Variants in UBE2D3 observed in about 807,000 individuals in gnomAD.
The protein encoded by UBE2D3 is ubiquitin-conjugating enzyme E2 D3.
Under a neutral mutation model 22.8 loss-of-function variants are expected in UBE2D3, and 2 were observed. That is an observed-to-expected ratio of 0.09 (90% CI 0.04 to 0.28). UBE2D3 has a LOEUF of 0.28. Ranked by LOEUF, UBE2D3 falls within the 10% of genes least tolerant of loss-of-function variation. The pLI is 1.00. For missense variants in UBE2D3, 27 were observed against 182.5 expected, an observed-to-expected ratio of 0.15 and a Z score of 4.91; for synonymous variants, 56 against 60.4, an observed-to-expected ratio of 0.93 and a Z score of 0.34.
At chr4:102,827,696 A>C, upstream of UBE2D3, 1 of 982,074 alleles carries the variant, frequency 1.0e-6, no homozygotes, top group South Asian at 4.7e-5. Flanking sequence ...GGCCGAGTGA[A>C]TACGTGTCAA....
chr4:102,840,376 C>G (rs1276693423), intron 1 of UBE2D3, among the ~76,000 whole-genome samples: 1 of 152,210 alleles, frequency 6.6e-6, no homozygotes, highest in African/African-American at 2.4e-5. Flanking sequence ...ACAATGAATA[C>G]TATTGGCCAC....
chr4:102,797,150 A>G lies in UBE2D3; in HGVS notation c.*265T>C, dbSNP rs1411193398. On this transcript the variant is annotated 3_prime_UTR_variant, in exon 8 of 8. Coordinates refer to ENST00000453744, the MANE Select transcript of UBE2D3 (RefSeq NM_181891.3). ...ATTGGCCACATAATACACATGCTCC[A>G]TTTTTTTTTTTAAAAATTCTGAGTC... The G allele has an allele frequency of 3.2e-6, 1 of 312,376 alleles. No homozygotes were observed. The highest frequency in any genetic ancestry group is 5.9e-6 in the Non-Finnish European group (1 of 169,076). The allele number at this position is 312,376 out of a possible 1,614,324, so 19.4% of individuals were successfully genotyped here.
chr4:102,849,456 C>CACAATGTA lies in UBE2D3; in HGVS notation c.-129+19251_-129+19258dup, dbSNP rs1399728910. ...AAGGCACCATTACAAAAAGACTAAC[C>CACAATGTA]ACAATGTAAGAAAAGATACTGGCCA... On this transcript the variant is annotated intron_variant, in intron 1 of 7. Coordinates refer to the UBE2D3 transcript ENST00000338145. Among the ~76,000 whole-genome samples the CACAATGTA allele has an allele frequency of 2.0e-5, 3 of 151,202 alleles. 1 individual carries two copies. The South Asian group carries it at 6.3e-4, about 32-fold the overall frequency.
At chr4:102,827,115 G>C in intron 1 of UBE2D3, 3 of 986,610 alleles carry the variant, frequency 3.0e-6, no homozygotes, top group Non-Finnish European at 2.4e-6. Context: ...CTCGCAGCGA[G>C]CTATTCTGTG....
chr4:102,828,511 C>T (rs1730910382), upstream of UBE2D3, among the ~76,000 whole-genome samples: 1 of 152,150 alleles, frequency 6.6e-6, no homozygotes, highest in South Asian at 2.1e-4. Context: ...GAGTCAAGCT[C>T]AATTGAGTGG....
chr4:102,823,253 A>C (rs1360729048), intron 2 of UBE2D3, among the ~76,000 whole-genome samples: 1 of 152,196 alleles, frequency 6.6e-6, no homozygotes, highest in Non-Finnish European at 1.5e-5. Flanking sequence ...CATACTCTGG[A>C]CCAGGCTGCC....
chr4:102,823,547 T>A (rs1453138294), intron 2 of UBE2D3, among the ~76,000 whole-genome samples: 1 of 152,210 alleles, frequency 6.6e-6, no homozygotes, highest in Non-Finnish European at 1.5e-5. Flanking sequence ...GAGCTATTCT[T>A]TTAGGCTTGG....
intron 2 of UBE2D3, among the ~76,000 whole-genome samples, chr4:102,817,188 C>T (rs1167131614): frequency 6.6e-6 from 1 of 152,154 alleles, no homozygotes; most frequent in East Asian, 1.9e-4. Context: ...GTATACCAGA[C>T]AGAGTACACC....
chr4:102,846,971 G>T (rs1732069321), intron 1 of UBE2D3, among the ~76,000 whole-genome samples: 1 of 152,062 alleles, frequency 6.6e-6, no homozygotes, highest in South Asian at 2.1e-4. Context: ...AGGAGAGCAT[G>T]TATCAGCTTG....
intron 1 of UBE2D3, among the ~76,000 whole-genome samples, chr4:102,848,281 C>CTCCA (rs895862848): frequency 1.3e-5 from 2 of 151,976 alleles, no homozygotes; most frequent in African/African-American, 4.8e-5. Flanking sequence ...GAGGCAAAGG[C>CTCCA]AGGAGGATCA....
At chr4:102,825,393 AT>A (rs1730300101) in intron 2 of UBE2D3, 1 of 1,028,996 alleles carries the variant, frequency 9.7e-7, no homozygotes, top group Non-Finnish European at 1.2e-6. Context: ...AAGAGTTTGA[AT>A]TTAGGTAAGT....
chr4:102,804,737 G>A (rs223423), intron 4 of UBE2D3, among the ~76,000 whole-genome samples: 82,314 of 151,852 alleles, frequency 0.54, 22,906 homozygotes, highest in African/African-American at 0.68. Context: ...GCAGTGGCAC[G>A]ATCTTGGCTC....
rs545650083 is a variant in UBE2D3 at position 102,808,155 on chromosome 4, C to T, written c.120+1517G>A. ...ACTAGGCAGATAATATGGAATTGAC[C>T]TAGTAGGCACTGTGGTAAACACATA... On this transcript the variant is annotated intron_variant, in intron 4 of 7. Transcript: ENST00000453744. Among the ~76,000 whole-genome samples the T allele has an allele frequency of 2.0e-5, 3 of 152,272 alleles. No homozygotes were observed. In the South Asian group the frequency reaches 6.2e-4, roughly 32 times the overall value.
intron 2 of UBE2D3, among the ~76,000 whole-genome samples, chr4:102,814,808 G>C (rs1467316822): frequency 6.6e-6 from 1 of 151,942 alleles, no homozygotes; most frequent in Non-Finnish European, 1.5e-5. Flanking sequence ...CCACACATGG[G>C]CCACATAATA....
intron 2 of UBE2D3, among the ~76,000 whole-genome samples, chr4:102,817,963 T>C (rs1439220351): frequency 1.3e-5 from 2 of 152,182 alleles, no homozygotes; most frequent in Non-Finnish European, 2.9e-5. Context: ...AATTACACAA[T>C]TGAAATTTTC....
chr4:102,838,575 CACTT>C lies in UBE2D3; in HGVS notation c.-128-11943_-128-11940del, dbSNP rs1326318991. Among the ~76,000 whole-genome samples the C allele has an allele frequency of 3.3e-5, 5 of 152,176 alleles. No individual in the cohort carries two copies. The South Asian group carries it at 1.0e-3, about 32-fold the overall frequency. On this transcript the variant is annotated intron_variant, in intron 1 of 7. Transcript: ENST00000338145. The stretch of plus-strand genomic sequence containing the variant: ...AGATGGAGAGTTTACCTTTGTGAAA[CACTT>C]AACTCTCAAAAAGAAATATTTTTGT...
chr4:102,799,528 C>T (rs1416234049), intron 6 of UBE2D3, 28 bp from the exon 7 acceptor site: 21 of 1,564,104 alleles, frequency 1.3e-5, no homozygotes, highest in Non-Finnish European at 1.8e-5. Context: ...CATCTGTTAC[C>T]CAGTTTCAGG....
At chr4:102,826,419 C>G in intron 2 of UBE2D3, 66 bp downstream of exon 2, 2 of 1,597,192 alleles carry the variant, frequency 1.3e-6, no homozygotes, top group African/African-American at 1.3e-5. Context: ...CCCACCCCCA[C>G]GCTTTCCTCT....
chr4:102,843,696 G>C (rs1207271881), intron 1 of UBE2D3: 1 of 152,114 alleles, frequency 6.6e-6, no homozygotes, highest in Non-Finnish European at 1.5e-5. Context: ...AGTTTTTCAA[G>C]GTTCATCTTG....
Sources: allele counts gnomAD v4.1 joint callset (sites outside exome capture counted in the v4.1 genomes callset), GRCh38; gene constraint gnomAD v4.1.1; transcripts MANE v1.5; gene names NCBI Gene and HGNC (gene_info 2026-07-23, HGNC 2026-07-21).